Variants in EPHB1 observed in about 807,000 individuals in gnomAD.
The protein encoded by EPHB1 is ephrin type-B receptor 1.
EPHB1 carries 30 observed loss-of-function variants against 94.4 expected under a neutral mutation model. The ratio of observed to expected loss-of-function variants is 0.32; its 90% CI spans 0.24 to 0.43. The LOEUF (loss-of-function observed/expected upper bound fraction) is 0.43, where lower values mean the gene tolerates loss of function less well. Ranked by LOEUF, EPHB1 falls within the 20% of genes least tolerant of loss-of-function variation. The pLI is 1.00. For synonymous variants in EPHB1, 522 were observed against 489.1 expected, an observed-to-expected ratio of 1.07 and a Z score of -0.89; for missense variants, 1,055 against 1,308.3, an observed-to-expected ratio of 0.81 and a Z score of 2.99.
intron 3 of EPHB1, among the ~76,000 whole-genome samples, chr3:135,055,117 A>G (rs1317780523): frequency 6.6e-6 from 1 of 152,248 alleles, no homozygotes; most frequent in Non-Finnish European, 1.5e-5. Flanking sequence ...ACATTTTGAT[A>G]TTAAAAAAAT....
intron 3 of EPHB1, among the ~76,000 whole-genome samples, chr3:135,040,027 C>G (rs1020521444): frequency 4.4e-4 from 67 of 152,348 alleles, no homozygotes; most frequent in African/African-American, 1.6e-3. Context: ...TAGTCCCTGC[C>G]ACATGGAGCA....
intron 3 of EPHB1, among the ~76,000 whole-genome samples, chr3:134,978,688 G>A (rs375736022): frequency 3.3e-5 from 5 of 152,344 alleles, no homozygotes; most frequent in Admixed American, 3.3e-4. Flanking sequence ...GTGCTTTTTA[G>A]CATCTGACTC....
rs576757260 is a variant in EPHB1 at position 135,039,573 on chromosome 3, C to T, written c.806-66875C>T. 1.4e-4 allele frequency among the ~76,000 whole-genome samples: 22 copies of T among 152,348 alleles called. No individual in the cohort carries two copies. The South Asian group carries it at 2.5e-3, about 17-fold the overall frequency. On this transcript the variant is annotated intron_variant, in intron 3 of 15. Transcript: ENST00000398015. ...GGGCTGCAGGTCCCGAGCCCTGCCC[C>T]GCGGGAAGGCAGCTAAGGCCCGGCG... is the stretch of plus-strand genomic sequence containing the variant.
intron 3 of EPHB1, among the ~76,000 whole-genome samples, chr3:135,005,032 G>A (rs902798785): frequency 7.9e-5 from 12 of 152,302 alleles, no homozygotes; most frequent in Admixed American, 2.0e-4. Flanking sequence ...GAGGAGAGGC[G>A]CTCTGCTTTT....
At chr3:135,248,696 A>AAAAT (rs1312355073) in intron 14 of EPHB1, among the ~76,000 whole-genome samples, 187 bp downstream of exon 14, 1 of 152,072 alleles carries the variant, frequency 6.6e-6, no homozygotes, top group African/African-American at 2.4e-5. Context: ...CATGATAGAG[A>AAAAT]AAATAGTGTC....
At chr3:134,912,679 G>A (rs1330222242) in intron 1 of EPHB1, among the ~76,000 whole-genome samples, 1 of 152,224 alleles carries the variant, frequency 6.6e-6, no homozygotes, top group African/African-American at 2.4e-5. Flanking sequence ...CCTGGGAGTG[G>A]GTGGGGCTGC....
In EPHB1 at chr3:135,005,244, G is replaced by T. The variant is rs557064353; in HGVS notation, c.805+53192G>T. ...TGTGAAGTGTCAGTGTGCCCCTGCT[G>T]GGGGGTGCCTCCCAGTTAGGCTGGT... On this transcript the variant is annotated intron_variant, in intron 3 of 15. Transcript: ENST00000398015. 6.6e-5 allele frequency among the ~76,000 whole-genome samples: 10 copies of T among 152,322 alleles called. No homozygotes were observed. In the South Asian group the frequency reaches 2.1e-3, roughly 32 times the overall value.
intron 9 of EPHB1, among the ~76,000 whole-genome samples, chr3:135,177,866 C>T (rs574408379): frequency 9.2e-5 from 14 of 152,290 alleles, no homozygotes; most frequent in Admixed American, 8.5e-4. Flanking sequence ...AGGACTGGCA[C>T]CCCCATCTCC....
intron 8 of EPHB1, 108 bp downstream of exon 8, chr3:135,166,184 A>G: frequency 2.7e-6 from 2 of 747,310 alleles, no homozygotes; most frequent in Non-Finnish European, 2.4e-6. Flanking sequence ...CACGACCACA[A>G]TCATCACTCC....
intron 2 of EPHB1, among the ~76,000 whole-genome samples, chr3:134,932,090 A>G (rs40437): frequency 0.58 from 87,599 of 151,814 alleles, 26,963 homozygotes; most frequent in African/African-American, 0.8. Flanking sequence ...CCTGTGCTTC[A>G]GTAAGCAGTT....
At chr3:135,150,034 T>A (rs2107693563) in intron 5 of EPHB1, among the ~76,000 whole-genome samples, 1 of 152,358 alleles carries the variant, frequency 6.6e-6, no homozygotes, top group East Asian at 1.9e-4. Context: ...TACTTGTTCT[T>A]CTGTCCCCAG....
At chr3:135,224,209 A>G (rs909425989) in intron 12 of EPHB1, among the ~76,000 whole-genome samples, 5 of 152,368 alleles carry the variant, frequency 3.3e-5, no homozygotes, top group African/African-American at 9.6e-5. Flanking sequence ...GAAATCATCT[A>G]ACAACATGTT....
At chr3:134,985,201 C>A (rs1934553926) in intron 3 of EPHB1, among the ~76,000 whole-genome samples, 1 of 152,152 alleles carries the variant, frequency 6.6e-6, no homozygotes, top group Non-Finnish European at 1.5e-5. Context: ...GTTGCCCAGG[C>A]TGGAGTCCAT....
intron 6 of EPHB1, among the ~76,000 whole-genome samples, chr3:135,154,877 G>C (rs945156265): frequency 6.6e-6 from 1 of 152,180 alleles, no homozygotes; most frequent in African/African-American, 2.4e-5. Flanking sequence ...GGGAAATGGT[G>C]CCTGGTGGAG....
intron 1 of EPHB1, among the ~76,000 whole-genome samples, chr3:134,924,053 A>G (rs2038741586): frequency 6.6e-6 from 1 of 152,224 alleles, no homozygotes; most frequent in Non-Finnish European, 1.5e-5. Context: ...GTAAATTTTT[A>G]AAAGTGTCCC....
chr3:134,869,236 A>G (rs2037446292), intron 1 of EPHB1, among the ~76,000 whole-genome samples: 1 of 152,222 alleles, frequency 6.6e-6, no homozygotes, highest in South Asian at 2.1e-4. Context: ...AGAGAGCCCA[A>G]CCCACTTGGC....
rs534508469 is a variant in EPHB1 at position 135,122,593 on chromosome 3, C to T, written c.962-10121C>T. Reference sequence around the variant, plus strand: ...ACTGAGGTGCACTGCCTCCCAGGATCCAGGGGCCTCAGCCATCCTCTAAGG... The same window carrying T: ...ACTGAGGTGCACTGCCTCCCAGGATTCAGGGGCCTCAGCCATCCTCTAAGG... On this transcript the variant is annotated intron_variant, in intron 4 of 15. Transcript: ENST00000398015. 7.6e-4 allele frequency among the ~76,000 whole-genome samples: 115 copies of T among 152,264 alleles called. 1 individual carries two copies. Among genetic ancestry groups the T allele is most frequent in the Admixed American group, 3.1e-3 (48 of 15,300 alleles).
chr3:135,019,628 A>G (rs1935922896), intron 3 of EPHB1, among the ~76,000 whole-genome samples: 1 of 152,212 alleles, frequency 6.6e-6, no homozygotes, highest in Non-Finnish European at 1.5e-5. Flanking sequence ...TTGTGTGTGT[A>G]TGGGATCACA....
intron 3 of EPHB1, among the ~76,000 whole-genome samples, chr3:135,072,502 T>G (rs1026123703): frequency 4.6e-5 from 7 of 152,222 alleles, no homozygotes. Flanking sequence ...GACTCCGTTC[T>G]GCTCTCCAAT....
Sources: allele counts gnomAD v4.1 joint callset (sites outside exome capture counted in the v4.1 genomes callset), GRCh38; gene constraint gnomAD v4.1.1; transcripts MANE v1.5; gene names NCBI Gene and HGNC (gene_info 2026-07-23, HGNC 2026-07-21).